TXNDC15: variants seen among roughly 807,000 people sequenced by gnomAD.
TXNDC15 encodes thioredoxin domain-containing protein 15.
Under a neutral mutation model 35.0 loss-of-function variants are expected in TXNDC15, and 24 were observed. That is an observed-to-expected ratio of 0.68 (90% CI 0.50 to 0.96). The LOEUF is 0.96. Among genes scored for constraint, TXNDC15 ranks in the 40% least tolerant of loss-of-function variants. The pLI is 0.00. For missense variants in TXNDC15, 385 were observed against 453.3 expected (o/e 0.85, Z 1.37); for synonymous variants, 169 against 174.0 (o/e 0.97, Z 0.23).
chr5:134,890,942 T>G (rs982226568), intron 2 of TXNDC15, among the ~76,000 whole-genome samples: 2 of 152,252 alleles, frequency 1.3e-5, no homozygotes, highest in Non-Finnish European at 2.9e-5. Context: ...AAACCTACTT[T>G]CTTTGCTTAT....
At chr5:134,891,995 C>T (rs531879638) in intron 2 of TXNDC15, among the ~76,000 whole-genome samples, 28 of 152,136 alleles carry the variant, frequency 1.8e-4, no homozygotes, top group East Asian at 7.7e-4. Context: ...AAAAAGAGTC[C>T]GCCTGTCCTT....
In TXNDC15 at chr5:134,900,083, G is replaced by T. The variant is rs1368734022; in HGVS notation, c.*398G>T. 6.4e-6 allele frequency: 1 copy of T among 155,256 alleles called. No homozygotes were observed. Among genetic ancestry groups the T allele is most frequent in the African/African-American group, 2.4e-5 (1 of 41,520 alleles). The allele number at this position is 155,256 out of a possible 1,614,324, so 9.6% of individuals were successfully genotyped here. A position where few individuals can be genotyped will look rare whatever the true frequency, so the allele number is the denominator to read the frequency against. The stretch of plus-strand genomic sequence containing the variant: ...TGATTCCTTATATATGTTTAAGAAG[G>T]TTAGTTTTCTGTTTCTTTGCAGTTT... On this transcript the variant is annotated 3_prime_UTR_variant, in exon 5 of 5. Transcript: ENST00000358387.
At chr5:134,879,829 C>T (rs1207250382) in intron 1 of TXNDC15, among the ~76,000 whole-genome samples, 1 of 143,556 alleles carries the variant, frequency 7.0e-6, no homozygotes, top group East Asian at 2.1e-4. Context: ...GAGCCTTGCT[C>T]TGTCACCCAG....
intron 1 of TXNDC15, among the ~76,000 whole-genome samples, chr5:134,884,002 C>T (rs932380848): frequency 4.0e-5 from 6 of 150,426 alleles, no homozygotes; most frequent in African/African-American, 1.5e-4. Flanking sequence ...GAGGATCACC[C>T]GAGGTCAGGA....
intron 2 of TXNDC15, among the ~76,000 whole-genome samples, chr5:134,889,089 C>T (rs1453858756): frequency 6.6e-6 from 1 of 152,228 alleles, no homozygotes; most frequent in African/African-American, 2.4e-5. Context: ...GTGCTCGGCG[C>T]TGGCTTTGCA....
intron 4 of TXNDC15, among the ~76,000 whole-genome samples, chr5:134,898,652 G>A (rs1297231572): frequency 1.3e-5 from 2 of 152,178 alleles, no homozygotes; most frequent in East Asian, 3.8e-4. Flanking sequence ...ATTGATGTGT[G>A]GAGAGGGAGC....
At chr5:134,890,379 CTCTTCTCT>C (rs1750365402) in intron 2 of TXNDC15, among the ~76,000 whole-genome samples, 1 of 147,734 alleles carries the variant, frequency 6.8e-6, no homozygotes, top group African/African-American at 2.5e-5. Flanking sequence ...TTTCTCTTTT[CTCTTCTCT>C]TCTTTTCTCT....
At chr5:134,874,309 A>G (rs370778578), upstream of TXNDC15, 6,521 of 764,074 alleles carry the variant, frequency 8.5e-3, 47 homozygotes, top group South Asian at 0.016. Context: ...CACAGCTGCC[A>G]GGTGTTAAGA....
chr5:134,875,462 G>T lies in TXNDC15; in HGVS notation c.103+932G>T, dbSNP rs1750015822. On this transcript the variant is annotated intron_variant, in intron 1 of 4. Coordinates refer to ENST00000358387, the MANE Select transcript of TXNDC15 (RefSeq NM_024715.4). ...CTGTGTACCAGATGCTGTGCTCAGT[G>T]CTTTACGAGCATCATCTTTTGGAAT... 9.0e-6 allele frequency: 4 copies of T among 445,020 alleles called. No individual in the cohort carries two copies. The Admixed American group carries it at 1.0e-4, about 11-fold the overall frequency. 27.6% of individuals were successfully genotyped at this position (445,020 alleles called of 1,614,324 possible). A position where few individuals can be genotyped will look rare whatever the true frequency, so the allele number is the denominator to read the frequency against.
intron 2 of TXNDC15, among the ~76,000 whole-genome samples, chr5:134,888,707 C>T (rs1750327816): frequency 6.6e-6 from 1 of 152,174 alleles, no homozygotes; most frequent in Non-Finnish European, 1.5e-5. Context: ...GTCTCAAACT[C>T]CTGACTTCAG....
At chr5:134,874,363 C>A (rs551902925), upstream of TXNDC15, 14 of 1,417,382 alleles carry the variant, frequency 9.9e-6, no homozygotes, top group African/African-American at 1.0e-4. Context: ...TCTCCTCCCC[C>A]AGCCTTCCTC....
chr5:134,893,281 GA>G (rs1750423878), intron 2 of TXNDC15: 2 of 504,934 alleles, frequency 4.0e-6, no homozygotes, highest in Non-Finnish European at 6.9e-6. Flanking sequence ...TAAAAAAAGT[GA>G]AAGTTTATAA....
chr5:134,875,972 A>G (rs1249397555), intron 1 of TXNDC15, among the ~76,000 whole-genome samples: 2 of 152,138 alleles, frequency 1.3e-5, no homozygotes, highest in Non-Finnish European at 2.9e-5. Flanking sequence ...GCCTGGCCTT[A>G]GTAATTTTTA....
At chr5:134,874,244 A>G, upstream of TXNDC15, 1 of 566,552 alleles carries the variant, frequency 1.8e-6, no homozygotes, top group Non-Finnish European at 3.1e-6. Flanking sequence ...TCTCCAGTCC[A>G]GCGCCGACGG....
At chr5:134,884,285 G>T (rs1750229789) in intron 1 of TXNDC15, among the ~76,000 whole-genome samples, 1 of 139,624 alleles carries the variant, frequency 7.2e-6, no homozygotes, top group Admixed American at 7.4e-5. Context: ...TTTTGCTCTT[G>T]TTGCCCAGGC....
intron 1 of TXNDC15, among the ~76,000 whole-genome samples, chr5:134,877,452 G>A (rs368616112): frequency 1.3e-5 from 2 of 152,188 alleles, no homozygotes; most frequent in South Asian, 2.1e-4. Context: ...TTGCTGTGAA[G>A]GTCAGGGTCT....
chr5:134,885,097 AT>A (rs1750249065), intron 1 of TXNDC15, among the ~76,000 whole-genome samples: 1 of 151,844 alleles, frequency 6.6e-6, no homozygotes, highest in South Asian at 2.1e-4. Flanking sequence ...TAATTTTTAT[AT>A]TTTAATAGAG....
intron 1 of TXNDC15, among the ~76,000 whole-genome samples, chr5:134,880,104 C>T (rs1336480888): frequency 6.6e-6 from 1 of 152,012 alleles, no homozygotes; most frequent in Admixed American, 6.6e-5. Flanking sequence ...CCCTTCTTAC[C>T]TGCTTTCTCA....
intron 4 of TXNDC15, among the ~76,000 whole-genome samples, chr5:134,898,823 C>A (rs1400793798): frequency 6.6e-6 from 1 of 152,078 alleles, no homozygotes; most frequent in East Asian, 1.9e-4. Context: ...ACCTGTGATC[C>A]CAACACTTTG....
Sources: allele counts gnomAD v4.1 joint callset (sites outside exome capture counted in the v4.1 genomes callset), GRCh38; gene constraint gnomAD v4.1.1; transcripts MANE v1.5; gene names NCBI Gene and HGNC (gene_info 2026-07-23, HGNC 2026-07-21).